MVB12B: variants seen among roughly 807,000 people sequenced by gnomAD.
MVB12B encodes multivesicular body subunit 12B.
In MVB12B, 16 loss-of-function variants were observed where a neutral mutation model predicts 41.6. That is an observed-to-expected ratio of 0.38 (90% CI 0.26 to 0.58). The LOEUF is 0.58. Among genes scored for constraint, MVB12B ranks in the 20% least tolerant of loss-of-function variants. The pLI, the probability that MVB12B is intolerant of heterozygous loss-of-function variation, is 0.62. For synonymous variants in MVB12B, 133 were observed against 139.7 expected (o/e 0.95, Z 0.34); for missense variants, 274 against 380.2 (o/e 0.72, Z 2.32).
chr9:126,353,974 A>G (rs1440119858), intron 2 of MVB12B, among the ~76,000 whole-genome samples: 2 of 152,358 alleles, frequency 1.3e-5, no homozygotes, highest in East Asian at 3.9e-4. Flanking sequence ...TAAACAGTAT[A>G]TCCAAATAGC....
At chr9:126,378,607 C>T (rs1830549523) in intron 2 of MVB12B, among the ~76,000 whole-genome samples, 1 of 151,964 alleles carries the variant, frequency 6.6e-6, no homozygotes, top group Non-Finnish European at 1.5e-5. Context: ...CTCTCTCTCT[C>T]TCTTTCTCTC....
chr9:126,439,669 CACA>C (rs1832582662), intron 7 of MVB12B, among the ~76,000 whole-genome samples: 1 of 152,182 alleles, frequency 6.6e-6, no homozygotes, highest in Non-Finnish European at 1.5e-5. Flanking sequence ...TGAAACCTTT[CACA>C]TACCCTCTTC....
chr9:126,506,354 C>T lies in MVB12B; in HGVS notation c.*3091C>T, dbSNP rs1834070594. On this transcript the variant is annotated 3_prime_UTR_variant, in exon 10 of 10. Coordinates refer to ENST00000361171, the MANE Select transcript of MVB12B (RefSeq NM_033446.3). ...TTGCTCCTTGTCAGAGTTGAAGAGG[C>T]TGACTTGGCCCACTGCTAAGCGGCA... is the stretch of plus-strand genomic sequence containing the variant. 9.4e-6 allele frequency: 1 copy of T among 106,120 alleles called. No individual in the cohort carries two copies. The highest frequency in any genetic ancestry group is 4.6e-5 in the African/African-American group (1 of 21,610). The allele number at this position is 106,120 out of a possible 1,614,324, so 6.6% of individuals were successfully genotyped here.
intron 7 of MVB12B, among the ~76,000 whole-genome samples, chr9:126,454,365 C>A (rs905303006): frequency 1.3e-5 from 2 of 152,236 alleles, no homozygotes; most frequent in Non-Finnish European, 2.9e-5. Context: ...TCCTTCATCC[C>A]CCTAATTCAT....
intron 2 of MVB12B, among the ~76,000 whole-genome samples, chr9:126,351,237 C>T (rs973329444): frequency 2.8e-4 from 42 of 152,300 alleles, no homozygotes; most frequent in African/African-American, 9.1e-4. Context: ...GTTTATCTTA[C>T]ATCCTGTGAC....
rs1286438470 is a variant in MVB12B at position 126,422,674 on chromosome 9, C to T, written c.757+726C>T. On this transcript the variant is annotated intron_variant, in intron 7 of 9. Coordinates refer to ENST00000361171, the MANE Select transcript of MVB12B (RefSeq NM_033446.3). ...CAAATCAGTGCCACTTACCAGCACA[C>T]ACCCTTAATGGTGAGTGACATTTTG... Among the ~76,000 whole-genome samples the T allele has an allele frequency of 2.0e-5, 3 of 152,212 alleles. No homozygotes were observed. The East Asian group carries it at 5.8e-4, about 29-fold the overall frequency.
rs1028764567 is a variant in MVB12B, at chr9:126,340,013, T to A, written c.82-495T>A. 1.3e-5 allele frequency among the ~76,000 whole-genome samples: 2 copies of A among 152,136 alleles called. No individual in the cohort carries two copies. Among genetic ancestry groups the A allele is most frequent in the Non-Finnish European group, 2.9e-5 (2 of 68,018 alleles). On this transcript the variant is annotated intron_variant, in intron 1 of 9. Coordinates refer to ENST00000361171, the MANE Select transcript of MVB12B (RefSeq NM_033446.3). This position sits in a 1 kb window ranked among gnomAD's most constrained non-coding sequence, Gnocchi z 4.0. ...CCTTCACCTGAGCCCAGAACACTTA[T>A]TTCTGTGTTTGCAACATTCCTTGCT...
rs930040912 is a variant in MVB12B at position 126,456,881 on chromosome 9, C to T, written c.758-24488C>T. ...TTCAGTTTATAAAAGAAAAAGTAAG[C>T]GTCTTACAATTCTGGAACCTCCTTT... On this transcript the variant is annotated intron_variant, in intron 7 of 9. Coordinates refer to ENST00000361171, the MANE Select transcript of MVB12B (RefSeq NM_033446.3). Among the ~76,000 whole-genome samples, 7 of 115,972 alleles carry T rather than the reference C, an allele frequency of 6.0e-5. No homozygotes were observed. In the South Asian group the frequency reaches 1.2e-3, roughly 19 times the overall value. 76.1% of individuals were successfully genotyped at this position (115,972 alleles called of 152,430 possible). A position where few individuals can be genotyped will look rare whatever the true frequency, so the allele number is the denominator to read the frequency against.
intron 7 of MVB12B, among the ~76,000 whole-genome samples, chr9:126,456,989 C>G (rs993246737): frequency 2.0e-5 from 3 of 152,224 alleles, no homozygotes; most frequent in South Asian, 4.1e-4. Context: ...TGCCCTCACC[C>G]CACGAGTTTA....
chr9:126,438,042 A>G (rs924292111), intron 7 of MVB12B, among the ~76,000 whole-genome samples: 13 of 152,220 alleles, frequency 8.5e-5, no homozygotes, highest in African/African-American at 2.9e-4. Flanking sequence ...CTGTGTCCCT[A>G]ATAAAAAGGA....
chr9:126,465,497 C>A (rs1306712104), intron 7 of MVB12B, among the ~76,000 whole-genome samples: 1 of 152,268 alleles, frequency 6.6e-6, no homozygotes, highest in East Asian at 1.9e-4. Context: ...GGGGCACAGA[C>A]TTCATTGCCC....
intron 2 of MVB12B, among the ~76,000 whole-genome samples, chr9:126,366,699 C>T (rs74854174): frequency 0.011 from 1,619 of 152,256 alleles, 48 homozygotes; most frequent in East Asian, 0.066. Context: ...CTCTGACCCC[C>T]CTTCTTGTAG....
intron 1 of MVB12B, chr9:126,327,257 G>A: frequency 1.0e-6 from 1 of 984,494 alleles, no homozygotes; most frequent in Non-Finnish European, 1.2e-6. Context: ...GGAGAAGCTG[G>A]GGGACCCGAG....
Position 126,395,901 on chromosome 9 carries a change from A to G in MVB12B, c.662+204A>G. On this transcript the variant is annotated intron_variant, in intron 6 of 9. Transcript: ENST00000361171. This position sits in a 1 kb window ranked among gnomAD's most constrained non-coding sequence, Gnocchi z 4.9. ...GAATGCAAAGGCCATTCTATAGTCT[A>G]TTTTGTGCGTGTTCTGCAGGCTTCT... is the stretch of plus-strand genomic sequence containing the variant. 7.2e-7 allele frequency: 1 copy of G among 1,387,022 alleles called. No homozygotes were observed. The highest frequency in any genetic ancestry group is 2.7e-5 in the East Asian group (1 of 37,340). The allele number at this position is 1,387,022 out of a possible 1,614,324, so 85.9% of individuals were successfully genotyped here.
chr9:126,367,262 G>C lies in MVB12B; in HGVS notation c.205-13802G>C, dbSNP rs1369615570. ...GCTCTCCAGCCACGCTCCCCCTCTT[G>C]CTCCCTAGGATGGGGCAGGTCCTAA... On this transcript the variant is annotated intron_variant, in intron 2 of 9. Coordinates refer to ENST00000361171, the MANE Select transcript of MVB12B (RefSeq NM_033446.3). This position sits in a 1 kb window ranked among gnomAD's most constrained non-coding sequence, Gnocchi z 4.3. Among the ~76,000 whole-genome samples, 1 of 151,936 alleles carries C rather than the reference G, an allele frequency of 6.6e-6. No individual in the cohort carries two copies. Among genetic ancestry groups the C allele is most frequent in the African/African-American group, 2.4e-5 (1 of 41,340 alleles).
chr9:126,330,825 A>AG (rs1829109699), intron 1 of MVB12B, among the ~76,000 whole-genome samples: 2 of 151,980 alleles, frequency 1.3e-5, no homozygotes, highest in African/African-American at 4.8e-5. Flanking sequence ...TGACTACCCT[A>AG]GGTAGTCAAA....
chr9:126,397,136 A>G (rs1588138417), intron 6 of MVB12B: 1 of 985,526 alleles, frequency 1.0e-6, no homozygotes, highest in African/African-American at 1.7e-5. Flanking sequence ...CAGAGGCTGG[A>G]AAGCCCCCAC....
At position 126,459,209 on chromosome 9, in the gene MVB12B, TGTC is replaced by T. The variant is rs1311692794; in HGVS notation, c.758-22157_758-22155del. Among the ~76,000 whole-genome samples, 1 of 152,182 alleles carries T rather than the reference TGTC, an allele frequency of 6.6e-6. No homozygotes were observed. Among genetic ancestry groups the T allele is most frequent in the Non-Finnish European group, 1.5e-5 (1 of 68,034 alleles). On this transcript the variant is annotated intron_variant, in intron 7 of 9. Coordinates refer to ENST00000361171, the MANE Select transcript of MVB12B (RefSeq NM_033446.3). This position sits in a 1 kb window ranked among gnomAD's most constrained non-coding sequence, Gnocchi z 4.3. ...TTGGCACTGGTATTTCTTGATGCCT[TGTC>T]GTAAACTCAGAGTGTCACGAGCCTG... is the stretch of plus-strand genomic sequence containing the variant.
intron 4 of MVB12B, among the ~76,000 whole-genome samples, chr9:126,387,227 T>C (rs1265840042): frequency 3.9e-5 from 6 of 152,176 alleles, no homozygotes. Context: ...CCCTTGGAGC[T>C]TCTTGACCCA....
Sources: allele counts gnomAD v4.1 joint callset (sites outside exome capture counted in the v4.1 genomes callset), GRCh38; gene constraint gnomAD v4.1.1; non-coding constraint Gnocchi (gnomAD v3.1); transcripts MANE v1.5; gene names NCBI Gene and HGNC (gene_info 2026-07-23, HGNC 2026-07-21).